The following LIN7A variants were observed in gnomAD, a reference collection of about 807,000 sequenced individuals.
LIN7A encodes lin-7 cell polarity scaffold A.
LIN7A carries 25 observed loss-of-function variants against 29.8 expected under a neutral mutation model. That is an observed-to-expected ratio of 0.84 (90% CI 0.61 to 1.17). The LOEUF is 1.17. LIN7A is among the 50% of genes most tolerant of loss of function. The pLI is 0.00. For missense variants in LIN7A, 239 were observed against 287.0 expected, an observed-to-expected ratio of 0.83 and a Z score of 1.21; for synonymous variants, 118 against 107.5, an observed-to-expected ratio of 1.10 and a Z score of -0.60.
intron 4 of LIN7A, among the ~76,000 whole-genome samples, chr12:80,839,125 T>C (rs1360657830): frequency 6.6e-6 from 1 of 152,210 alleles, no homozygotes; most frequent in Non-Finnish European, 1.5e-5. Context: ...CTGATCTCTC[T>C]CCACCAAAAA....
intron 4 of LIN7A, among the ~76,000 whole-genome samples, chr12:80,826,146 C>T (rs964183522): frequency 6.6e-6 from 1 of 152,170 alleles, no homozygotes; most frequent in Non-Finnish European, 1.5e-5. Flanking sequence ...GTTTATTGTC[C>T]AATATCTCTG....
Position 80,797,257 on chromosome 12 carries a change from A to C in LIN7A, c.*470T>G, listed in dbSNP as rs1215686286. On this transcript the variant is annotated 3_prime_UTR_variant, in exon 6 of 6. Coordinates refer to ENST00000552864, the MANE Select transcript of LIN7A (RefSeq NM_004664.4). ...ACTGGAATTCCAATTCAGACAACTC[A>C]GCACTATGGATTGTGGAGCAGGTGA... The C allele has an allele frequency of 6.6e-6, 1 of 152,340 alleles. No homozygotes were observed. The highest frequency in any genetic ancestry group is 1.5e-5 in the Non-Finnish European group (1 of 68,040). 9.4% of individuals were successfully genotyped at this position (152,340 alleles called of 1,614,324 possible). A position where few individuals can be genotyped will look rare whatever the true frequency, so the allele number is the denominator to read the frequency against.
At chr12:80,915,352 A>T (rs1396913803) in intron 1 of LIN7A, among the ~76,000 whole-genome samples, 3 of 152,176 alleles carry the variant, frequency 2.0e-5, no homozygotes, top group African/African-American at 7.2e-5. Context: ...GTGTTTGTTA[A>T]AAAGTCAAAA....
chr12:80,851,534 A>G (rs1299574072), intron 2 of LIN7A, among the ~76,000 whole-genome samples: 2 of 152,112 alleles, frequency 1.3e-5, no homozygotes, highest in Non-Finnish European at 1.5e-5. Flanking sequence ...AAGGCGCAAA[A>G]TATATCCATG....
intron 1 of LIN7A, among the ~76,000 whole-genome samples, chr12:80,894,565 G>A (rs1378000695): frequency 1.3e-5 from 2 of 152,084 alleles, no homozygotes; most frequent in African/African-American, 4.8e-5. Context: ...TTGACTGAGG[G>A]TAACTGAAAT....
At chr12:80,824,158 C>T (rs752582889) in intron 4 of LIN7A, among the ~76,000 whole-genome samples, 5 of 151,932 alleles carry the variant, frequency 3.3e-5, no homozygotes, top group Non-Finnish European at 5.9e-5. Context: ...TCCAAATAAG[C>T]TTAATTAGAA....
chr12:80,934,519 G>A (rs1878099955), intron 1 of LIN7A, among the ~76,000 whole-genome samples: 1 of 152,180 alleles, frequency 6.6e-6, no homozygotes, highest in Admixed American at 6.5e-5. Context: ...AGGAAGCTAG[G>A]TGCAGACTTC....
rs1878183133 is a variant in LIN7A at position 80,935,807 on chromosome 12, C to G, written c.82+1834G>C. 1.4e-5 allele frequency: 7 copies of G among 502,720 alleles called. No individual in the cohort carries two copies. The Middle Eastern group carries it at 2.0e-3, about 143-fold the overall frequency. 31.1% of individuals were successfully genotyped at this position (502,720 alleles called of 1,614,324 possible). The stretch of plus-strand genomic sequence containing the variant: ...ATGTACGTAATTACACTCAGAAGGA[C>G]AAGTAGAGTTTGGCTGTGAACAAGA... On this transcript the variant is annotated intron_variant, in intron 1 of 5. Transcript: ENST00000552864.
chr12:80,806,640 T>A (rs1211444355), intron 5 of LIN7A, among the ~76,000 whole-genome samples: 2 of 152,228 alleles, frequency 1.3e-5, no homozygotes, highest in Non-Finnish European at 2.9e-5. Context: ...CTTGACTGGT[T>A]AAATTTTATA....
At chr12:80,913,743 C>T (rs1304125464) in intron 1 of LIN7A, among the ~76,000 whole-genome samples, 2 of 152,126 alleles carry the variant, frequency 1.3e-5, no homozygotes, top group African/African-American at 4.8e-5. Context: ...TCGAATAAAA[C>T]ATACTTACTT....
chr12:80,877,161 G>A (rs1874753311), intron 2 of LIN7A, among the ~76,000 whole-genome samples: 1 of 146,912 alleles, frequency 6.8e-6, no homozygotes, highest in African/African-American at 2.5e-5. Context: ...TATACTTCAT[G>A]ACCCAGAAAT....
intron 5 of LIN7A, among the ~76,000 whole-genome samples, chr12:80,810,395 G>C (rs1376661812): frequency 1.2e-3 from 4 of 3,218 alleles, no homozygotes; most frequent in Non-Finnish European, 3.5e-3. Context: ...GTATACATCT[G>C]TGTGTGTGTG....
intron 5 of LIN7A, among the ~76,000 whole-genome samples, chr12:80,809,993 A>G (rs1871210787): frequency 6.6e-6 from 1 of 152,352 alleles, no homozygotes; most frequent in Non-Finnish European, 1.5e-5. Context: ...GTTACCACAA[A>G]TACTTATTGT....
chr12:80,818,054 A>G (rs1871619236), intron 4 of LIN7A, among the ~76,000 whole-genome samples: 1 of 152,238 alleles, frequency 6.6e-6, no homozygotes, highest in African/African-American at 2.4e-5. Flanking sequence ...GAAAAGGCCC[A>G]GTATAACCAA....
At position 80,848,299 on chromosome 12, in the gene LIN7A, C is replaced by G. The variant is rs780444755; in HGVS notation, c.225G>C (p.Thr75=). ...ATTCGGGACAGCCATTAACAGTTAT[C>G]GTTTCATGCATATATTGATACACCT... ...IREVYQYMHE[T]ITVNGCPEFR... The change falls in exon 3 of 6, where the codon ACG becomes ACC. Residue 75 remains threonine (T), a synonymous_variant. Transcript: ENST00000552864. The G allele has an allele frequency of 7.4e-6, 12 of 1,612,206 alleles. No homozygotes were observed. The highest frequency in any genetic ancestry group is 9.3e-6 in the Non-Finnish European group (11 of 1,178,626).
At chr12:80,887,266 T>C (rs1056840584) in intron 2 of LIN7A, among the ~76,000 whole-genome samples, 3 of 152,118 alleles carry the variant, frequency 2.0e-5, no homozygotes, top group Non-Finnish European at 4.4e-5. Context: ...TCATCTTATC[T>C]GTCACTCAAT....
intron 2 of LIN7A, among the ~76,000 whole-genome samples, chr12:80,863,029 C>T (rs1449146685): frequency 6.6e-6 from 1 of 152,176 alleles, no homozygotes; most frequent in East Asian, 1.9e-4. Context: ...GTAAATGCAC[C>T]ACGCTTGGCT....
At chr12:80,878,777 T>C (rs1168208687) in intron 2 of LIN7A, among the ~76,000 whole-genome samples, 1 of 152,164 alleles carries the variant, frequency 6.6e-6, no homozygotes, top group African/African-American at 2.4e-5. Flanking sequence ...TACAAACCTC[T>C]AGCCACAGAG....
At chr12:80,819,237 A>G (rs1465539748) in intron 4 of LIN7A, among the ~76,000 whole-genome samples, 2 of 152,248 alleles carry the variant, frequency 1.3e-5, no homozygotes, top group African/African-American at 4.8e-5. Context: ...AGTAAAGGAA[A>G]AAATGTAGTA....
Sources: allele counts gnomAD v4.1 joint callset (sites outside exome capture counted in the v4.1 genomes callset), GRCh38; gene constraint gnomAD v4.1.1; transcripts MANE v1.5; gene names NCBI Gene and HGNC (gene_info 2026-07-23, HGNC 2026-07-21).